DMGDH: variants seen among roughly 807,000 people sequenced by gnomAD.
DMGDH encodes the protein dimethylglycine dehydrogenase.
A neutral mutation model predicts 95.2 loss-of-function variants in DMGDH; 76 were observed. That is an observed-to-expected ratio of 0.80 (90% CI 0.66 to 0.97). The LOEUF is 0.97. Ranked by LOEUF, DMGDH falls within the 50% of genes least tolerant of loss-of-function variation. The pLI, the probability that DMGDH is intolerant of heterozygous loss-of-function variation, is 0.00. For synonymous variants in DMGDH, 345 were observed against 377.6 expected (o/e 0.91, Z 1.00); for missense variants, 987 against 1,055.0 (o/e 0.94, Z 0.89).
chr5:79,004,709 T>C (rs1396815090), intron 15 of DMGDH, among the ~76,000 whole-genome samples: 1 of 152,154 alleles, frequency 6.6e-6, no homozygotes, highest in Admixed American at 6.5e-5. Context: ...CTAACTCTGG[T>C]TTTACTGAAC....
intron 5 of DMGDH, 36 bp from the exon 6 acceptor site, chr5:79,044,588 T>A (rs531982): frequency 6.1e-5 from 98 of 1,610,448 alleles, no homozygotes; most frequent in Non-Finnish European, 7.9e-5. Flanking sequence ...TGTCAGCCCA[T>A]ATATAAACAC....
intron 14 of DMGDH, among the ~76,000 whole-genome samples, chr5:79,022,432 G>C (rs1335908996): frequency 6.6e-6 from 1 of 152,146 alleles, no homozygotes; most frequent in East Asian, 1.9e-4. Context: ...CTGTCTTGGA[G>C]ATTAGCAAGC....
chr5:79,055,418 A>C (rs1445348786), intron 3 of DMGDH, among the ~76,000 whole-genome samples: 1 of 152,212 alleles, frequency 6.6e-6, no homozygotes, highest in Non-Finnish European at 1.5e-5. Context: ...GATAAACATG[A>C]AAGTGAGGGG....
chr5:79,050,268 AAAAAAATATATATATAT>A (rs55800578), intron 5 of DMGDH, among the ~76,000 whole-genome samples: 15,993 of 56,764 alleles, frequency 0.28, 976 homozygotes, highest in East Asian at 0.43. Context: ...AAAAAAAAAA[AAAAAAATATATATATAT>A]ATATATATAT....
intron 1 of DMGDH, among the ~76,000 whole-genome samples, chr5:79,065,025 C>T (rs1295519771): frequency 1.3e-5 from 2 of 151,990 alleles, no homozygotes; most frequent in African/African-American, 4.8e-5. Flanking sequence ...GCTGGGATTA[C>T]AGGCATGAGC....
At chr5:79,054,812 G>C (rs1228432529) in intron 3 of DMGDH, among the ~76,000 whole-genome samples, 1 of 152,224 alleles carries the variant, frequency 6.6e-6, no homozygotes, top group African/African-American at 2.4e-5. Flanking sequence ...ATTTATTAAA[G>C]TCCTTCAGTT....
chr5:79,061,620 C>A (rs1315974888), intron 2 of DMGDH, among the ~76,000 whole-genome samples: 1 of 152,172 alleles, frequency 6.6e-6, no homozygotes, highest in African/African-American at 2.4e-5. Context: ...CCCGTAACCT[C>A]TTCTAAAATG....
At chr5:79,029,538 G>A (rs1022113604) in intron 11 of DMGDH, among the ~76,000 whole-genome samples, 2 of 152,118 alleles carry the variant, frequency 1.3e-5, no homozygotes, top group Non-Finnish European at 2.9e-5. Flanking sequence ...CAAAAAGCTC[G>A]TGTGAGTAAG....
At position 79,051,500 on chromosome 5, in the gene DMGDH, A is replaced by G; in HGVS notation, c.541-9T>C. 6.2e-7 allele frequency: 1 copy of G among 1,611,230 alleles called. No homozygotes were observed. Among genetic ancestry groups the G allele is most frequent in the Non-Finnish European group, 8.5e-7 (1 of 1,177,472 alleles). On this transcript the variant is annotated splice_polypyrimidine_tract_variant and intron_variant, in intron 4 of 15. Transcript: ENST00000255189. ...TACAATCCAGCTAAAACCTAAATCA[A>G]TCATACCAGAGTCAATACTCAAATA... is the stretch of plus-strand genomic sequence containing the variant.
At chr5:79,028,153 T>A (rs1754051759) in intron 12 of DMGDH, among the ~76,000 whole-genome samples, 1 of 151,898 alleles carries the variant, frequency 6.6e-6, no homozygotes, top group Non-Finnish European at 1.5e-5. Flanking sequence ...ACTTTTTTTT[T>A]ATCTGCCCTT....
intron 7 of DMGDH, among the ~76,000 whole-genome samples, chr5:79,037,132 G>A (rs1754367793): frequency 6.6e-6 from 1 of 152,110 alleles, no homozygotes; most frequent in Admixed American, 6.5e-5. Flanking sequence ...TGTGATCTCA[G>A]ACCTCCAGCC....
chr5:79,025,493 CT>C (rs763430741), intron 13 of DMGDH, among the ~76,000 whole-genome samples: 12 of 152,218 alleles, frequency 7.9e-5, no homozygotes, highest in Non-Finnish European at 1.6e-4. Context: ...ACACTCTCCC[CT>C]TCAATCAAAT....
intron 4 of DMGDH, among the ~76,000 whole-genome samples, chr5:79,052,305 C>G (rs991141929): frequency 3.3e-5 from 5 of 152,070 alleles, no homozygotes; most frequent in African/African-American, 9.7e-5. Flanking sequence ...GTTATCAGGG[C>G]AATACTGGCC....
intron 7 of DMGDH, among the ~76,000 whole-genome samples, chr5:79,039,702 TATA>T (rs1322066076): frequency 4.6e-5 from 7 of 151,568 alleles, no homozygotes; most frequent in Admixed American, 2.6e-4. Context: ...AAACTTAAAG[TATA>T]ATAATAATAA....
intron 14 of DMGDH, chr5:79,020,565 G>T: frequency 1.4e-6 from 1 of 729,958 alleles, no homozygotes; most frequent in Non-Finnish European, 1.7e-6. Flanking sequence ...CTCTTTACCA[G>T]CTTTTTTGGG....
rs1754059225 is a variant in DMGDH, at chr5:79,028,440, A to C, written c.2025T>G (p.Ser675=). 2 of 1,611,310 alleles carry C rather than the reference A, an allele frequency of 1.2e-6. No homozygotes were observed. Among genetic ancestry groups the C allele is most frequent in the Non-Finnish European group, 1.7e-6 (2 of 1,177,486 alleles). ...GTTGTTTTCCAATCTTACCAGTATAAGATATCCTAATAGCAGTGACAGGAA... is the reference window on the plus strand; with the variant it reads ...GTTGTTTTCCAATCTTACCAGTATACGATATCCTAATAGCAGTGACAGGAA... ...SNIPVTAIRI[S]YTGELGWELY... is the part of the protein sequence containing the mutation. The change falls in exon 12 of 16, where the codon TCT becomes TCG. Residue 675 remains serine, a synonymous_variant. Transcript: ENST00000255189.
At chr5:79,013,148 T>C (rs953833205) in intron 14 of DMGDH, among the ~76,000 whole-genome samples, 15 of 152,162 alleles carry the variant, frequency 9.9e-5, no homozygotes, top group African/African-American at 2.9e-4. Flanking sequence ...CACATGAGCA[T>C]TGACTGTCAG....
chr5:79,039,024 G>T (rs1754427175), intron 7 of DMGDH, among the ~76,000 whole-genome samples: 4 of 149,282 alleles, frequency 2.7e-5, no homozygotes, highest in Non-Finnish European at 4.5e-5. Flanking sequence ...TCTCACACCA[G>T]TTAGAATGGC....
intron 5 of DMGDH, among the ~76,000 whole-genome samples, chr5:79,050,554 A>C (rs747958744): frequency 6.6e-6 from 1 of 152,166 alleles, no homozygotes; most frequent in Non-Finnish European, 1.5e-5. Context: ...TTTATTTTGC[A>C]TGTGTGATAC....
Sources: gnomAD v4.1 joint callset for allele counts (sites outside exome capture counted in the v4.1 genomes callset) on GRCh38, gnomAD v4.1.1 for gene constraint, MANE v1.5 for transcripts, NCBI Gene and HGNC (gene_info 2026-07-23, HGNC 2026-07-21) for gene names.